Variants in SLAMF6 observed in about 807,000 individuals in gnomAD.
SLAMF6 encodes NK-T-B-antigen.
In SLAMF6, 21 loss-of-function variants were observed where a neutral mutation model predicts 38.3. That is an observed-to-expected ratio of 0.55 (90% CI 0.39 to 0.79). The LOEUF is 0.79. Ranked by LOEUF, SLAMF6 falls within the 30% of genes least tolerant of loss-of-function variation. SLAMF6 has a pLI of 0.00. For synonymous variants in SLAMF6, 152 were observed against 146.3 expected, an observed-to-expected ratio of 1.04 and a Z score of -0.28; for missense variants, 341 against 385.3, an observed-to-expected ratio of 0.89 and a Z score of 0.96.
intron 1 of SLAMF6, among the ~76,000 whole-genome samples, chr1:160,507,897 G>T (rs1039515835): frequency 6.6e-6 from 1 of 151,910 alleles, no homozygotes; most frequent in Non-Finnish European, 1.5e-5. Context: ...GTGCTCAGAG[G>T]GATATTTTTA....
intron 1 of SLAMF6, among the ~76,000 whole-genome samples, chr1:160,512,986 A>C (rs988737118): frequency 1.3e-5 from 2 of 152,218 alleles, no homozygotes; most frequent in Admixed American, 6.5e-5. Context: ...CCTCTCCAGC[A>C]GGGCACACAA....
chr1:160,499,313 G>A (rs1015225384), intron 1 of SLAMF6, among the ~76,000 whole-genome samples: 2 of 152,086 alleles, frequency 1.3e-5, no homozygotes, highest in African/African-American at 2.4e-5. Flanking sequence ...TATTGAACAG[G>A]GAGTCCTTTC....
chr1:160,507,253 G>A (rs574269624), intron 1 of SLAMF6, among the ~76,000 whole-genome samples: 16 of 152,140 alleles, frequency 1.1e-4, no homozygotes, highest in Non-Finnish European at 2.2e-4. Context: ...TACTAATATT[G>A]GCAAATAGAC....
chr1:160,504,628 ACTACCTCTCTTT>A (rs1434941227), intron 1 of SLAMF6, among the ~76,000 whole-genome samples: 1 of 152,202 alleles, frequency 6.6e-6, no homozygotes, highest in Non-Finnish European at 1.5e-5. Flanking sequence ...CTTTGTCTCA[ACTACCTCTCTTT>A]CAGGTAGAAA....
intron 1 of SLAMF6, among the ~76,000 whole-genome samples, chr1:160,500,400 G>A (rs891939846): frequency 6.6e-6 from 1 of 152,094 alleles, no homozygotes. Context: ...CAGGGCTTTT[G>A]CATTTGCAAT....
chr1:160,521,071 G>C (rs72708818), intron 1 of SLAMF6, among the ~76,000 whole-genome samples: 3 of 151,694 alleles, frequency 2.0e-5, no homozygotes, highest in Non-Finnish European at 4.4e-5. Context: ...TATTTTTTTT[G>C]CTGGCCTCAC....
At chr1:160,493,293 C>G (rs1302131384) in intron 2 of SLAMF6, among the ~76,000 whole-genome samples, 1 of 152,148 alleles carries the variant, frequency 6.6e-6, no homozygotes, top group African/African-American at 2.4e-5. Context: ...CTGCGTGGCA[C>G]ACTTCCTCAC....
intron 1 of SLAMF6, among the ~76,000 whole-genome samples, 169 bp downstream of exon 1, chr1:160,522,975 A>G (rs1357785580): frequency 1.3e-5 from 2 of 152,214 alleles, no homozygotes; most frequent in South Asian, 4.1e-4. Context: ...TATCGCATCC[A>G]AAGTTGAGAG....
At chr1:160,489,847 T>A (rs1419708663) in intron 5 of SLAMF6, among the ~76,000 whole-genome samples, 2 of 152,176 alleles carry the variant, frequency 1.3e-5, no homozygotes, top group Non-Finnish European at 2.9e-5. Context: ...AATGATGCAG[T>A]CAGACAGTTT....
chr1:160,523,011 T>G, intron 1 of SLAMF6, 133 bp downstream of exon 1: 1 of 875,668 alleles, frequency 1.1e-6, no homozygotes, highest in South Asian at 1.5e-5. Context: ...CAGGTAACAC[T>G]GCCAGCGTCC....
chr1:160,487,038 T>C, intron 7 of SLAMF6, 66 bp downstream of exon 7: 1 of 1,392,798 alleles, frequency 7.2e-7, no homozygotes, highest in Non-Finnish European at 1.0e-6. Flanking sequence ...TTTTACTTTA[T>C]TTGAAAAATC....
chr1:160,495,174 G>A (rs1653509599), intron 2 of SLAMF6, among the ~76,000 whole-genome samples: 1 of 151,704 alleles, frequency 6.6e-6, no homozygotes, highest in Admixed American at 6.6e-5. Context: ...AAAGGACTCT[G>A]AGTGAATTTT....
intron 6 of SLAMF6, 35 bp downstream of exon 6, chr1:160,489,053 T>A: frequency 1.3e-6 from 2 of 1,564,082 alleles, no homozygotes; most frequent in Non-Finnish European, 1.8e-6. Flanking sequence ...GCTGTAAAAC[T>A]GACAACAATG....
chr1:160,490,171 T>C (rs763213973), intron 5 of SLAMF6, 27 bp downstream of exon 5: 8 of 1,612,270 alleles, frequency 5.0e-6, no homozygotes, highest in South Asian at 4.4e-5. Context: ...TGCTTTATGA[T>C]GGAGAGTTAA....
intron 7 of SLAMF6, 95 bp downstream of exon 7, chr1:160,487,009 T>C (rs1653000421): frequency 1.7e-6 from 2 of 1,157,168 alleles, no homozygotes; most frequent in Non-Finnish European, 1.3e-6. Flanking sequence ...TTTGTGCATC[T>C]GTAAAATGAC....
At chr1:160,498,337 T>C (rs1401066773) in intron 1 of SLAMF6, among the ~76,000 whole-genome samples, 1 of 152,136 alleles carries the variant, frequency 6.6e-6, no homozygotes, top group African/African-American at 2.4e-5. Context: ...GTGTTATTTG[T>C]CCATTTTCAC....
chr1:160,506,770 G>A (rs1425316011), intron 1 of SLAMF6, among the ~76,000 whole-genome samples: 1 of 152,158 alleles, frequency 6.6e-6, no homozygotes, highest in African/African-American at 2.4e-5. Context: ...AAAGGCAGCA[G>A]AATGAAACAA....
intron 6 of SLAMF6, 111 bp from the exon 7 acceptor site, chr1:160,487,286 C>T (rs995514546): frequency 8.9e-5 from 86 of 960,952 alleles, no homozygotes; most frequent in East Asian, 4.4e-4. Context: ...CAAAGTTCTT[C>T]CAGAGGAAGG....
chr1:160,523,135 GA>G lies in SLAMF6; in HGVS notation c.49+8del. 1.9e-6 allele frequency: 3 copies of G among 1,613,798 alleles called. No homozygotes were observed. The highest frequency in any genetic ancestry group is 2.5e-6 in the Non-Finnish European group (3 of 1,179,860). ...CTCAGTGACTACACCGATCTGGATT[GA>G]CATTTACCTGGGCCAAAGCAGAAGA... On this transcript the variant is annotated splice_region_variant and intron_variant, in intron 1 of 7. Transcript: ENST00000368057.
Sources: allele counts gnomAD v4.1 joint callset (sites outside exome capture counted in the v4.1 genomes callset), GRCh38; gene constraint gnomAD v4.1.1; transcripts MANE v1.5; gene names NCBI Gene and HGNC (gene_info 2026-07-23, HGNC 2026-07-21).